PCDH9: variants seen among roughly 807,000 people sequenced by gnomAD.
PCDH9 encodes protocadherin 9.
In PCDH9, 24 loss-of-function variants were observed where a neutral mutation model predicts 70.6. That is an observed-to-expected ratio of 0.34 (90% CI 0.25 to 0.48). The LOEUF is 0.48. Ranked by LOEUF, PCDH9 falls within the 20% of genes least tolerant of loss-of-function variation. The pLI is 0.99. For missense variants in PCDH9, 1,281 were observed against 1,503.6 expected, an observed-to-expected ratio of 0.85 and a Z score of 2.45; for synonymous variants, 562 against 558.5, an observed-to-expected ratio of 1.01 and a Z score of -0.09.
chr13:66,847,307 C>T (rs1461765584), intron 3 of PCDH9, among the ~76,000 whole-genome samples: 1 of 152,158 alleles, frequency 6.6e-6, no homozygotes, highest in East Asian at 1.9e-4. Flanking sequence ...TTCACACCAA[C>T]AAGTTTTTAT....
chr13:67,049,548 T>C (rs1341916299), intron 2 of PCDH9, among the ~76,000 whole-genome samples: 2 of 152,184 alleles, frequency 1.3e-5, no homozygotes, highest in Admixed American at 1.3e-4. Flanking sequence ...TATATGTATA[T>C]ATCAAGAACT....
intron 4 of PCDH9, among the ~76,000 whole-genome samples, chr13:66,491,385 T>TTGTGTG (rs71106974): frequency 0.061 from 8,271 of 136,102 alleles, 480 homozygotes; most frequent in East Asian, 0.13. Context: ...GCAGGAGATA[T>TTGTGTG]TGTGTGTGTG....
chr13:66,893,240 A>G (rs1194931995), intron 3 of PCDH9, among the ~76,000 whole-genome samples: 1 of 152,168 alleles, frequency 6.6e-6, no homozygotes, highest in Non-Finnish European at 1.5e-5. Flanking sequence ...AATCCATGAA[A>G]CATATATCAA....
intron 2 of PCDH9, among the ~76,000 whole-genome samples, chr13:67,132,842 CCTTA>C (rs2087139427): frequency 6.6e-6 from 1 of 152,030 alleles, no homozygotes; most frequent in South Asian, 2.1e-4. Flanking sequence ...TGTTTCCCTT[CCTTA>C]CTTCTAGCTA....
At chr13:66,696,731 G>A (rs1254195494) in intron 3 of PCDH9, among the ~76,000 whole-genome samples, 1 of 151,354 alleles carries the variant, frequency 6.6e-6, no homozygotes, top group African/African-American at 2.4e-5. Flanking sequence ...GATCCAATGG[G>A]AGCTGGCATT....
At chr13:66,884,604 A>G (rs1330281058) in intron 3 of PCDH9, among the ~76,000 whole-genome samples, 1 of 152,186 alleles carries the variant, frequency 6.6e-6, no homozygotes, top group Non-Finnish European at 1.5e-5. Context: ...TTCCTACATT[A>G]TAATATTTTT....
At chr13:67,019,230 G>C (rs547477228) in intron 2 of PCDH9, among the ~76,000 whole-genome samples, 1 of 116,494 alleles carries the variant, frequency 8.6e-6, no homozygotes, top group South Asian at 2.9e-4. Flanking sequence ...GTCTTGCTCT[G>C]TCGCCCAGGC....
intron 3 of PCDH9, among the ~76,000 whole-genome samples, chr13:66,734,473 G>A (rs1322228878): frequency 2.0e-5 from 3 of 152,098 alleles, no homozygotes; most frequent in Admixed American, 6.6e-5. Flanking sequence ...GTACCTGAGA[G>A]GGATCTTGTG....
At chr13:66,458,912 G>A (rs960448635) in intron 4 of PCDH9, among the ~76,000 whole-genome samples, 2 of 151,990 alleles carry the variant, frequency 1.3e-5, no homozygotes, top group Admixed American at 6.6e-5. Context: ...AGGTGGTAAT[G>A]TTTATGCAGT....
intron 2 of PCDH9, among the ~76,000 whole-genome samples, chr13:66,970,666 C>A (rs1594328702): frequency 6.6e-6 from 1 of 150,766 alleles, no homozygotes; most frequent in South Asian, 2.1e-4. Flanking sequence ...AAATGCTTAG[C>A]CCCCATTCTC....
chr13:66,524,090 T>C (rs955950551), intron 4 of PCDH9, among the ~76,000 whole-genome samples: 3 of 152,036 alleles, frequency 2.0e-5, no homozygotes, highest in Admixed American at 6.6e-5. Flanking sequence ...TGGGCTTTAA[T>C]GAGTTCATGA....
At chr13:66,819,264 T>C (rs1379640371) in intron 3 of PCDH9, among the ~76,000 whole-genome samples, 1 of 151,930 alleles carries the variant, frequency 6.6e-6, no homozygotes, top group Non-Finnish European at 1.5e-5. Context: ...TCAAGCTTTA[T>C]TACTTATGTA....
intron 4 of PCDH9, among the ~76,000 whole-genome samples, chr13:66,355,378 C>T (rs1956365106): frequency 6.6e-6 from 1 of 152,090 alleles, no homozygotes; most frequent in South Asian, 2.1e-4. Flanking sequence ...AGGCAACCTC[C>T]TGCCTTTTTG....
At chr13:67,154,205 C>A (rs1204243600) in intron 2 of PCDH9, among the ~76,000 whole-genome samples, 1 of 152,050 alleles carries the variant, frequency 6.6e-6, no homozygotes, top group East Asian at 1.9e-4. Context: ...GTAATCCCAG[C>A]ACTTTGAGGG....
In PCDH9 at chr13:66,774,931, T is replaced by A. The variant is rs995091575; in HGVS notation, c.3138+128573A>T. On this transcript the variant is annotated intron_variant, in intron 3 of 4. Transcript: ENST00000377865. ...CATTTTACCCACTAGCTTGTTACTTTTCTTCATTTGATTTAATTTGGATAT... is the reference window on the plus strand; with the variant it reads ...CATTTTACCCACTAGCTTGTTACTTATCTTCATTTGATTTAATTTGGATAT... Among the ~76,000 whole-genome samples the A allele has an allele frequency of 7.2e-5, 11 of 152,340 alleles. No homozygotes were observed. The East Asian group carries it at 2.1e-3, about 29-fold the overall frequency.
rs181215753 is a variant in PCDH9, at chr13:66,602,221, A to T, written c.3340+28989T>A. Among the ~76,000 whole-genome samples the T allele has an allele frequency of 8.2e-4, 120 of 146,508 alleles. 17 individuals carry two copies. The Middle Eastern group carries it at 0.039, about 48-fold the overall frequency. On this transcript the variant is annotated intron_variant, in intron 4 of 4. Transcript: ENST00000377865. ...CTAAAATAAATCACACACACAAAAAAAATCTCATCATGTTTTAAGAAAGTT... is the reference window on the plus strand; with the variant it reads ...CTAAAATAAATCACACACACAAAAATAATCTCATCATGTTTTAAGAAAGTT...
chr13:66,505,962 CT>C (rs1959208343), intron 4 of PCDH9, among the ~76,000 whole-genome samples: 1 of 152,192 alleles, frequency 6.6e-6, no homozygotes, highest in African/African-American at 2.4e-5. Flanking sequence ...GTCTATTCTA[CT>C]TTTATCTCTG....
intron 3 of PCDH9, among the ~76,000 whole-genome samples, chr13:66,735,412 A>G (rs904193426): frequency 6.6e-6 from 1 of 152,220 alleles, no homozygotes; most frequent in Non-Finnish European, 1.5e-5. Flanking sequence ...CACAAACACA[A>G]GGATATACCA....
chr13:66,922,057 G>A (rs1434955245), intron 2 of PCDH9, among the ~76,000 whole-genome samples: 1 of 151,122 alleles, frequency 6.6e-6, no homozygotes, highest in Non-Finnish European at 1.5e-5. Flanking sequence ...CTCATTTGTA[G>A]GTAATGTCAA....
Sources: allele counts gnomAD v4.1 joint callset (sites outside exome capture counted in the v4.1 genomes callset), GRCh38; gene constraint gnomAD v4.1.1; transcripts MANE v1.5; gene names NCBI Gene and HGNC (gene_info 2026-07-23, HGNC 2026-07-21).